The following SHANK2 variants were observed in gnomAD, a reference collection of about 807,000 sequenced individuals.
The protein encoded by SHANK2 is SH3 and multiple ankyrin repeat domains 2.
SHANK2 carries 43 observed loss-of-function variants against 133.7 expected under a neutral mutation model. The observed-to-expected ratio is 0.32, with a 90% CI of 0.25 to 0.41. The LOEUF is 0.41. Ranked by LOEUF, SHANK2 falls within the 10% of genes least tolerant of loss-of-function variation. The pLI is 1.00. For synonymous variants in SHANK2, 1,017 were observed against 952.8 expected (o/e 1.07, Z -1.24); for missense variants, 1,994 against 2,235.8 (o/e 0.89, Z 2.18).
rs1160747630 is a variant in SHANK2 at position 70,717,862 on chromosome 11, GA to G, written c.1778-19100del. On this transcript the variant is annotated intron_variant, in intron 14 of 25. Coordinates refer to ENST00000601538, the MANE Select transcript of SHANK2 (RefSeq NM_012309.5). ...CTGGGGGCAGAATTGAAGAAGAAAA[GA>G]AAAAAAAAATCAGATGAAGAAGAAA... 7.7e-4 allele frequency among the ~76,000 whole-genome samples: 114 copies of G among 148,718 alleles called. 1 individual carries two copies. The East Asian group carries it at 0.018, about 24-fold the overall frequency.
At chr11:70,919,778 C>T (rs1186847334) in intron 10 of SHANK2, among the ~76,000 whole-genome samples, 1 of 152,226 alleles carries the variant, frequency 6.6e-6, no homozygotes, top group Non-Finnish European at 1.5e-5. Flanking sequence ...CTGGTAGCCA[C>T]TATCCTACTC....
chr11:71,128,206 T>C (rs1411459896), intron 3 of SHANK2, among the ~76,000 whole-genome samples: 10 of 152,212 alleles, frequency 6.6e-5, no homozygotes, highest in Non-Finnish European at 1.2e-4. Flanking sequence ...GGAGCAGTGC[T>C]GAGTTTCATA....
At chr11:70,923,826 G>A (rs11601501) in intron 10 of SHANK2, among the ~76,000 whole-genome samples, 2,354 of 151,952 alleles carry the variant, frequency 0.015, 28 homozygotes, top group Middle Eastern at 0.051. Context: ...GCGCTGGGAT[G>A]ACAGGCATGA....
At position 70,487,590 on chromosome 11, in the gene SHANK2, A is replaced by G; in HGVS notation, c.2703T>C (p.Pro901=). 1 of 1,588,810 alleles carries G rather than the reference A, an allele frequency of 6.3e-7. No homozygotes were observed. Among genetic ancestry groups the G allele is most frequent in the Non-Finnish European group, 8.6e-7 (1 of 1,165,042 alleles). Residue 901 remains proline, a synonymous_variant, in exon 25 of 26, where the codon CCT becomes CCC. Coordinates refer to ENST00000601538, the MANE Select transcript of SHANK2 (RefSeq NM_012309.5). This position sits in a 1 kb window ranked among gnomAD's most constrained non-coding sequence, Gnocchi z 5.8. ...TGGGGCAGTTGTAAGTGGTTGGGGA[A>G]GGTGGTGGTGGGGACGGGGGCACAG... The part of the protein sequence containing the change: ...PQSVPPSPPP[P]SPTTYNCPKS...
intron 6 of SHANK2, 21 bp from the exon 7 acceptor site, chr11:71,094,709 C>A: frequency 6.5e-7 from 1 of 1,546,706 alleles, no homozygotes; most frequent in Middle Eastern, 1.7e-4. Context: ...CAAACACACA[C>A]ACTTTAGAAC....
At chr11:70,712,863 C>A (rs1945822389) in intron 14 of SHANK2, among the ~76,000 whole-genome samples, 1 of 152,244 alleles carries the variant, frequency 6.6e-6, no homozygotes, top group Non-Finnish European at 1.5e-5. Flanking sequence ...GAATTCAGCA[C>A]CAACAAGCAC....
intron 2 of SHANK2, among the ~76,000 whole-genome samples, chr11:71,172,638 G>GA (rs1237080522): frequency 6.7e-6 from 1 of 150,040 alleles, no homozygotes; most frequent in Non-Finnish European, 1.5e-5. Flanking sequence ...GAAAAGAAAA[G>GA]AAACACCGTG....
chr11:70,912,134 A>G (rs1042791092), intron 10 of SHANK2, among the ~76,000 whole-genome samples: 2 of 151,402 alleles, frequency 1.3e-5, no homozygotes, highest in Admixed American at 6.6e-5. Context: ...GAAAGAAAGA[A>G]AAGAGAAGAG....
intron 17 of SHANK2, among the ~76,000 whole-genome samples, chr11:70,527,988 G>A (rs1394610687): frequency 1.3e-5 from 2 of 152,214 alleles, no homozygotes; most frequent in Non-Finnish European, 2.9e-5. Context: ...GCATGTTAAG[G>A]ACCTGGAGAG....
chr11:71,217,911 C>T (rs182597875), intron 2 of SHANK2, among the ~76,000 whole-genome samples: 41 of 152,050 alleles, frequency 2.7e-4, no homozygotes, highest in African/African-American at 9.6e-4. Context: ...AGTGCAGTGG[C>T]GCGTTCTTGG....
chr11:70,586,622 C>T (rs536735812), intron 17 of SHANK2, among the ~76,000 whole-genome samples: 1 of 152,226 alleles, frequency 6.6e-6, no homozygotes, highest in African/African-American at 2.4e-5. Context: ...AGATCGCCAG[C>T]CTCTGGCACC....
chr11:70,522,895 C>T (rs782658221), intron 17 of SHANK2, among the ~76,000 whole-genome samples: 5 of 152,144 alleles, frequency 3.3e-5, no homozygotes, highest in African/African-American at 7.2e-5. Flanking sequence ...CCTCTCTTAG[C>T]GGCCACAGTT....
intron 10 of SHANK2, among the ~76,000 whole-genome samples, chr11:70,921,737 G>A (rs1950354745): frequency 6.6e-6 from 1 of 152,190 alleles, no homozygotes; most frequent in African/African-American, 2.4e-5. Context: ...ACCCAGCCTT[G>A]ACTCAGCTCA....
chr11:70,576,779 G>A lies in SHANK2; in HGVS notation c.2062-73848C>T, dbSNP rs557067989. On this transcript the variant is annotated intron_variant, in intron 17 of 25. Transcript: ENST00000601538. ...ATGCCCAGGGCTGCTGTGAGGCAAC[G>A]AAAGCCCCTGCAAACAGGTTTCATC... Among the ~76,000 whole-genome samples, 5 of 152,292 alleles carry A rather than the reference G, an allele frequency of 3.3e-5. No individual in the cohort carries two copies. In the East Asian group the frequency reaches 7.7e-4, roughly 24 times the overall value.
At chr11:71,082,664 T>C (rs1951316195) in intron 8 of SHANK2, among the ~76,000 whole-genome samples, 1 of 152,188 alleles carries the variant, frequency 6.6e-6, no homozygotes, top group Non-Finnish European at 1.5e-5. Flanking sequence ...GCCTGTCCCC[T>C]CGCCGTGGGG....
chr11:70,526,717 T>C (rs1554972188), intron 17 of SHANK2, among the ~76,000 whole-genome samples: 1 of 152,228 alleles, frequency 6.6e-6, no homozygotes, highest in Non-Finnish European at 1.5e-5. Context: ...AAGTCTCCTT[T>C]CGAAATTTTA....
chr11:70,954,076 G>A (rs782659547), intron 10 of SHANK2, among the ~76,000 whole-genome samples: 1 of 152,238 alleles, frequency 6.6e-6, no homozygotes, highest in Non-Finnish European at 1.5e-5. Context: ...GACATCCTGG[G>A]ACCCTGCCCA....
intron 15 of SHANK2, chr11:70,698,222 T>G: frequency 5.0e-6 from 1 of 199,120 alleles, no homozygotes; most frequent in Non-Finnish European, 1.0e-5. Context: ...TCTGGCTACC[T>G]GGTGGCTCGC....
intron 11 of SHANK2, among the ~76,000 whole-genome samples, chr11:70,823,034 C>T (rs1366645967): frequency 1.0e-5 from 1 of 95,774 alleles, no homozygotes; most frequent in Non-Finnish European, 2.1e-5. Context: ...GGACAGGTGG[C>T]GTTGGCAGAG....
Sources: allele counts gnomAD v4.1 joint callset (sites outside exome capture counted in the v4.1 genomes callset), GRCh38; gene constraint gnomAD v4.1.1; non-coding constraint Gnocchi (gnomAD v3.1); transcripts MANE v1.5; gene names NCBI Gene and HGNC (gene_info 2026-07-23, HGNC 2026-07-21).